The following MTUS2 variants were observed in gnomAD, a reference collection of about 807,000 sequenced individuals.
MTUS2 encodes microtubule-associated tumor suppressor candidate 2.
Under a neutral mutation model 114.1 loss-of-function variants are expected in MTUS2, and 40 were observed. That is an observed-to-expected ratio of 0.35 (90% CI 0.27 to 0.46). The LOEUF is 0.46. Among genes scored for constraint, MTUS2 ranks in the 20% least tolerant of loss-of-function variants. The probability of loss-of-function intolerance (pLI) is 1.00; values close to 1 mark genes in which losing one functional copy is unlikely to be tolerated. For synonymous variants in MTUS2, 688 were observed against 672.0 expected (o/e 1.02, Z -0.37); for missense variants, 1,679 against 1,705.4 (o/e 0.98, Z 0.27).
At chr13:29,078,912 A>G (rs1266563721) in intron 4 of MTUS2, among the ~76,000 whole-genome samples, 2 of 152,194 alleles carry the variant, frequency 1.3e-5, no homozygotes, top group East Asian at 1.9e-4. Flanking sequence ...TTATGTAAAC[A>G]TATCTTTTCA....
intron 2 of MTUS2, among the ~76,000 whole-genome samples, chr13:28,993,103 A>G (rs1338073175): frequency 6.6e-6 from 1 of 152,164 alleles, no homozygotes; most frequent in African/African-American, 2.4e-5. Context: ...ATTTCATTGT[A>G]TGTATATATC....
chr13:28,866,828 T>A (rs370189448), intron 2 of MTUS2, among the ~76,000 whole-genome samples: 2 of 152,120 alleles, frequency 1.3e-5, no homozygotes, highest in Non-Finnish European at 2.9e-5. Flanking sequence ...CATACCTGCA[T>A]TTTAAAGTCA....
At chr13:28,938,189 C>T (rs1434549809) in intron 2 of MTUS2, among the ~76,000 whole-genome samples, 4 of 152,126 alleles carry the variant, frequency 2.6e-5, no homozygotes, top group African/African-American at 7.2e-5. Flanking sequence ...TCGAGACCAT[C>T]CTGGTCAACA....
intron 5 of MTUS2, among the ~76,000 whole-genome samples, chr13:29,234,765 C>T (rs1593201441): frequency 6.6e-6 from 1 of 152,050 alleles, no homozygotes; most frequent in Non-Finnish European, 1.5e-5. Context: ...CTTCTATTCC[C>T]CACAACCCCT....
At position 29,278,720 on chromosome 13, in the gene MTUS2, C is replaced by A. The variant is rs112628259; in HGVS notation, c.2645-2984C>A. ...ACTTCCCTGTGTCACAGCAGTTTTT[C>A]ACTGTCAGTGGAATTGATGATGTTT... On this transcript the variant is annotated intron_variant, in intron 5 of 15. Transcript: ENST00000612955. 1.9e-3 allele frequency among the ~76,000 whole-genome samples: 291 copies of A among 152,082 alleles called. 2 individuals carry two copies. The highest frequency in any genetic ancestry group is 6.6e-3 in the African/African-American group (274 of 41,368).
chr13:29,474,180 T>G (rs1474245863), intron 9 of MTUS2, among the ~76,000 whole-genome samples: 1 of 152,174 alleles, frequency 6.6e-6, no homozygotes, highest in African/African-American at 2.4e-5. Context: ...GTGATTACTT[T>G]GCCACTTTAT....
intron 8 of MTUS2, among the ~76,000 whole-genome samples, chr13:29,435,157 G>A (rs1877312880): frequency 6.6e-6 from 1 of 152,152 alleles, no homozygotes; most frequent in Non-Finnish European, 1.5e-5. Context: ...GCTGTTTTGG[G>A]GCTTAGATAA....
intron 2 of MTUS2, among the ~76,000 whole-genome samples, chr13:28,968,204 C>T (rs1378203069): frequency 6.6e-6 from 1 of 151,910 alleles, no homozygotes; most frequent in Non-Finnish European, 1.5e-5. Flanking sequence ...TTATTTTTAA[C>T]GTTTGCATTT....
intron 6 of MTUS2, among the ~76,000 whole-genome samples, chr13:29,306,555 A>G (rs1458116055): frequency 6.6e-6 from 1 of 152,246 alleles, no homozygotes; most frequent in African/African-American, 2.4e-5. Flanking sequence ...CAAAAAGAAT[A>G]AAATGCCTAG....
intron 4 of MTUS2, among the ~76,000 whole-genome samples, chr13:29,060,801 A>G (rs1593434432): frequency 3.2e-5 from 1 of 30,836 alleles, no homozygotes. Context: ...GGATTAGTTG[A>G]CTTTTTTTTT....
chr13:29,354,335 A>G (rs1337552507), intron 7 of MTUS2, among the ~76,000 whole-genome samples: 2 of 151,324 alleles, frequency 1.3e-5, no homozygotes, highest in Admixed American at 1.3e-4. Flanking sequence ...TTGAATGTAA[A>G]TATTTGGCAA....
intron 5 of MTUS2, among the ~76,000 whole-genome samples, chr13:29,133,741 G>A (rs548393978): frequency 6.5e-4 from 99 of 152,310 alleles, no homozygotes; most frequent in African/African-American, 2.3e-3. Context: ...ACACTGATTT[G>A]ATTACTGGGG....
At chr13:28,900,330 C>T (rs1205193499) in intron 2 of MTUS2, among the ~76,000 whole-genome samples, 1 of 152,114 alleles carries the variant, frequency 6.6e-6, no homozygotes, top group East Asian at 1.9e-4. Context: ...GTGTTCCATG[C>T]AGTCTAATCA....
intron 10 of MTUS2, among the ~76,000 whole-genome samples, chr13:29,482,992 T>A (rs1881310909): frequency 6.6e-6 from 1 of 152,178 alleles, no homozygotes; most frequent in Non-Finnish European, 1.5e-5. Flanking sequence ...GAATCAGTGT[T>A]TCTGTTTAGT....
chr13:29,069,810 G>A (rs1326866906), intron 4 of MTUS2, among the ~76,000 whole-genome samples: 97 of 152,140 alleles, frequency 6.4e-4, no homozygotes, highest in Non-Finnish European at 7.4e-5. Flanking sequence ...TTTTTAAAAT[G>A]GATAGTAAAG....
intron 9 of MTUS2, among the ~76,000 whole-genome samples, chr13:29,447,505 C>T (rs138043727): frequency 4.6e-5 from 7 of 150,904 alleles, no homozygotes; most frequent in Middle Eastern, 3.4e-3. Context: ...TTGTGTGTTT[C>T]GTTTAGGGCT....
intron 7 of MTUS2, among the ~76,000 whole-genome samples, chr13:29,333,227 C>T (rs1325620365): frequency 6.6e-6 from 1 of 151,964 alleles, no homozygotes; most frequent in Non-Finnish European, 1.5e-5. Flanking sequence ...GATACAGTGT[C>T]ACTGTTGTTG....
At chr13:29,366,821 T>A (rs7329572) in intron 8 of MTUS2, among the ~76,000 whole-genome samples, 75,202 of 151,784 alleles carry the variant, frequency 0.5, 20,205 homozygotes, top group East Asian at 0.65. Context: ...TCTCCTTGGT[T>A]CCTTTGGCGT....
intron 2 of MTUS2, among the ~76,000 whole-genome samples, chr13:28,887,451 G>A (rs1184598012): frequency 1.3e-5 from 2 of 152,218 alleles, no homozygotes; most frequent in East Asian, 3.9e-4. Flanking sequence ...GGGCACAGCG[G>A]GTGAGGCAGG....
Sources: gnomAD v4.1 joint callset for allele counts (sites outside exome capture counted in the v4.1 genomes callset) on GRCh38, gnomAD v4.1.1 for gene constraint, MANE v1.5 for transcripts, NCBI Gene and HGNC (gene_info 2026-07-23, HGNC 2026-07-21) for gene names.